SNX18: variants seen among roughly 807,000 people sequenced by gnomAD.
The protein encoded by SNX18 is sorting nexin 18.
In SNX18, 35 loss-of-function variants were observed where a neutral mutation model predicts 48.7. The ratio of observed to expected loss-of-function variants is 0.72; its 90% CI spans 0.55 to 0.95. The LOEUF (loss-of-function observed/expected upper bound fraction) is 0.95, where lower values mean the gene tolerates loss of function less well. SNX18 is among the 40% of genes least tolerant of loss of function. The pLI is 0.00. For missense variants in SNX18, 824 were observed against 871.0 expected, an observed-to-expected ratio of 0.95 and a Z score of 0.68; for synonymous variants, 492 against 384.7, an observed-to-expected ratio of 1.28 and a Z score of -3.26.
At chr5:54,560,017 C>T in the SNX18 span, among the ~76,000 whole-genome samples, 10 of 152,064 alleles carry the variant, frequency 6.6e-5, no homozygotes, top group Non-Finnish European at 4.4e-5. Context: ...AACTAATTTA[C>T]ACTCTCAGTG....
At chr5:54,643,130 C>T in the SNX18 span, among the ~76,000 whole-genome samples, 154 of 152,214 alleles carry the variant, frequency 1.0e-3, 1 homozygote, top group Admixed American at 2.0e-3. Flanking sequence ...CCTCGTTTCT[C>T]GTGGCTCACT....
At chr5:54,584,950 C>T in the SNX18 span, among the ~76,000 whole-genome samples, 22 of 152,256 alleles carry the variant, frequency 1.4e-4, no homozygotes, top group African/African-American at 5.1e-4. Flanking sequence ...ATGTGGCCGA[C>T]GTGTTTGCCA....
At chr5:54,546,692 A>ATC (rs1762581445), downstream of SNX18, 1 of 152,134 alleles carries the variant, frequency 6.6e-6, no homozygotes, top group African/African-American at 2.4e-5. Context: ...CTTGAGCTTC[A>ATC]TCTGCAGTTA....
At chr5:54,519,681 G>A in intron 1 of SNX18, 108 bp downstream of exon 1, 1 of 1,614,242 alleles carries the variant, frequency 6.2e-7, no homozygotes, top group Non-Finnish European at 8.5e-7. Context: ...TTCTACAGGT[G>A]AGGAAGCGAG....
chr5:54,520,657 T>A (rs913156288), intron 1 of SNX18: 1 of 167,104 alleles, frequency 6.0e-6, no homozygotes, highest in East Asian at 1.9e-4. Context: ...TTTTCTTGTA[T>A]TGAACTGAAG....
chr5:54,571,714 C>A, the SNX18 span, among the ~76,000 whole-genome samples: 1 of 152,190 alleles, frequency 6.6e-6, no homozygotes, highest in Non-Finnish European at 1.5e-5. Context: ...ATTCTTTCTG[C>A]CACTCCCTGA....
downstream of SNX18, among the ~76,000 whole-genome samples, chr5:54,550,768 A>G (rs773087514): frequency 7.8e-4 from 118 of 152,204 alleles, no homozygotes; most frequent in Non-Finnish European, 1.4e-3. Flanking sequence ...TATTTTTAGT[A>G]GAGACGGGGT....
At chr5:54,579,997 T>A in the SNX18 span, among the ~76,000 whole-genome samples, 2 of 152,182 alleles carry the variant, frequency 1.3e-5, no homozygotes, top group African/African-American at 2.4e-5. Flanking sequence ...ATCTGTAATT[T>A]TTTTTTTAAG....
intron 1 of SNX18, among the ~76,000 whole-genome samples, chr5:54,527,402 A>T (rs1230319730): frequency 6.6e-6 from 1 of 152,102 alleles, no homozygotes. Context: ...AGGTAGAATC[A>T]ACAGGTTTTC....
the SNX18 span, among the ~76,000 whole-genome samples, chr5:54,582,309 A>G: frequency 6.6e-6 from 1 of 152,204 alleles, no homozygotes; most frequent in Admixed American, 6.5e-5. Flanking sequence ...CCTGTATCCT[A>G]AACTGAAATT....
At chr5:54,615,164 G>T in the SNX18 span, among the ~76,000 whole-genome samples, 1 of 152,156 alleles carries the variant, frequency 6.6e-6, no homozygotes, top group African/African-American at 2.4e-5. Flanking sequence ...CTAACAATAC[G>T]ATCATTCATG....
At chr5:54,551,265 C>T (rs1206812323), downstream of SNX18, among the ~76,000 whole-genome samples, 1 of 152,064 alleles carries the variant, frequency 6.6e-6, no homozygotes, top group Non-Finnish European at 1.5e-5. Context: ...CATTGGGAAG[C>T]GGACTGCTAA....
downstream of SNX18, among the ~76,000 whole-genome samples, chr5:54,548,793 A>C (rs1443216882): frequency 1.3e-5 from 2 of 152,172 alleles, no homozygotes; most frequent in Non-Finnish European, 2.9e-5. Context: ...TCTTATCTAT[A>C]ATGGGGTATG....
At chr5:54,572,531 A>G in the SNX18 span, among the ~76,000 whole-genome samples, 1 of 151,996 alleles carries the variant, frequency 6.6e-6, no homozygotes, top group African/African-American at 2.4e-5. Context: ...AAGTATGCCA[A>G]ATACTAGAGG....
chr5:54,552,925 C>T, the SNX18 span, among the ~76,000 whole-genome samples: 1,076 of 152,118 alleles, frequency 7.1e-3, 14 homozygotes, highest in African/African-American at 0.024. Context: ...AAAAGGCCTC[C>T]GAACCTGAAG....
At chr5:54,548,862 C>T (rs1399164387), downstream of SNX18, among the ~76,000 whole-genome samples, 1 of 152,176 alleles carries the variant, frequency 6.6e-6, no homozygotes, top group Non-Finnish European at 1.5e-5. Context: ...TCCCACCCCA[C>T]TCCCTGCAGA....
At chr5:54,603,113 A>G in the SNX18 span, among the ~76,000 whole-genome samples, 2,803 of 152,282 alleles carry the variant, frequency 0.018, 88 homozygotes, top group African/African-American at 0.064. Context: ...CATAAAATGT[A>G]TCATATGGTA....
At chr5:54,610,325 C>T in the SNX18 span, among the ~76,000 whole-genome samples, 1 of 152,180 alleles carries the variant, frequency 6.6e-6, no homozygotes, top group African/African-American at 2.4e-5. Flanking sequence ...TACCAAACCT[C>T]ACACCACTGA....
the SNX18 span, among the ~76,000 whole-genome samples, chr5:54,610,552 G>A: frequency 6.6e-6 from 1 of 152,142 alleles, no homozygotes; most frequent in African/African-American, 2.4e-5. Context: ...TTCCCCTCTT[G>A]GCCATATTTT....
Sources: allele counts gnomAD v4.1 joint callset (sites outside exome capture counted in the v4.1 genomes callset), GRCh38; gene constraint gnomAD v4.1.1; transcripts MANE v1.5; gene names NCBI Gene and HGNC (gene_info 2026-07-23, HGNC 2026-07-21).